Variants in GSE1 observed in about 807,000 individuals in gnomAD.
The protein encoded by GSE1 is genetic suppressor element 1.
Under a neutral mutation model 112.6 loss-of-function variants are expected in GSE1, and 32 were observed. The observed-to-expected ratio is 0.28, with a 90% CI of 0.21 to 0.38. The LOEUF is 0.38. GSE1 is among the 10% of genes least tolerant of loss of function. The probability of loss-of-function intolerance (pLI) is 1.00; values close to 1 mark genes in which losing one functional copy is unlikely to be tolerated. For synonymous variants in GSE1, 1,115 were observed against 735.6 expected, an observed-to-expected ratio of 1.52 and a Z score of -8.35; for missense variants, 2,348 against 1,699.2, an observed-to-expected ratio of 1.38 and a Z score of -6.71.
chr16:85,249,871 T>A (rs1478526971), intron 1 of GSE1, among the ~76,000 whole-genome samples: 1 of 152,202 alleles, frequency 6.6e-6, no homozygotes, highest in Non-Finnish European at 1.5e-5. Context: ...TTGTCCTCCA[T>A]GAGGGCAGCA....
intron 1 of GSE1, among the ~76,000 whole-genome samples, chr16:85,342,413 G>C (rs906262952): frequency 6.6e-6 from 1 of 152,144 alleles, no homozygotes; most frequent in African/African-American, 2.4e-5. Flanking sequence ...CCCTGTCAGC[G>C]CTTGAGAAAC....
exon 1 of GSE1, chr16:85,169,673 C>T (rs1432555003): frequency 1.0e-5 from 10 of 983,282 alleles, no homozygotes; most frequent in African/African-American, 3.5e-5. Flanking sequence ...GTGAAGCAGC[C>T]GGCGGCGGGC....
intron 2 of GSE1, among the ~76,000 whole-genome samples, chr16:85,483,734 G>A (rs887244824): frequency 2.6e-5 from 4 of 152,266 alleles, no homozygotes; most frequent in Admixed American, 6.5e-5. Flanking sequence ...GCCCGTCCCC[G>A]TGTAAACCTA....
intron 1 of GSE1, among the ~76,000 whole-genome samples, chr16:85,214,868 G>C (rs1020131051): frequency 1.3e-5 from 2 of 152,188 alleles, no homozygotes; most frequent in Non-Finnish European, 2.9e-5. Flanking sequence ...GGAGGAGAAG[G>C]GCAGGGCTGA....
At chr16:85,545,523 C>T (rs369258226) in intron 2 of GSE1, among the ~76,000 whole-genome samples, 3 of 152,242 alleles carry the variant, frequency 2.0e-5, no homozygotes, top group East Asian at 3.9e-4. Flanking sequence ...GCCTGGCTTC[C>T]GACTTCTCTG....
intron 4 of GSE1, 35 bp downstream of exon 4, chr16:85,654,485 C>G (rs779960628): frequency 6.5e-7 from 1 of 1,529,314 alleles, no homozygotes; most frequent in Non-Finnish European, 8.9e-7. Flanking sequence ...GTGAGGTGGC[C>G]AGGTGGGGAC....
intron 1 of GSE1, among the ~76,000 whole-genome samples, chr16:85,605,893 G>A (rs2047683590): frequency 1.3e-5 from 2 of 150,938 alleles, no homozygotes; most frequent in South Asian, 4.1e-4. Context: ...GCCTTGCTTG[G>A]ACTGGAGATA....
intron 1 of GSE1, among the ~76,000 whole-genome samples, chr16:85,346,336 C>T (rs1036886028): frequency 7.0e-6 from 1 of 142,234 alleles, no homozygotes; most frequent in African/African-American, 2.7e-5. Context: ...GGATGATGGG[C>T]AGGTAGATGG....
At chr16:85,320,289 C>A (rs890847471) in intron 1 of GSE1, among the ~76,000 whole-genome samples, 3 of 152,142 alleles carry the variant, frequency 2.0e-5, no homozygotes, top group Admixed American at 6.5e-5. Context: ...TCATTTGAGG[C>A]CGGAGCAGTT....
At chr16:85,316,716 C>T (rs560708009) in intron 1 of GSE1, among the ~76,000 whole-genome samples, 1 of 152,240 alleles carries the variant, frequency 6.6e-6, no homozygotes, top group East Asian at 1.9e-4. Flanking sequence ...CGAGTCCCAA[C>T]CCCCATGGGG....
chr16:85,255,842 C>A (rs541457872), intron 1 of GSE1, among the ~76,000 whole-genome samples: 1 of 152,248 alleles, frequency 6.6e-6, no homozygotes, highest in South Asian at 2.1e-4. Flanking sequence ...GTGTGCATGA[C>A]CATGCCTGGC....
intron 1 of GSE1, among the ~76,000 whole-genome samples, chr16:85,354,640 C>T (rs1296912298): frequency 6.6e-6 from 1 of 152,222 alleles, no homozygotes; most frequent in African/African-American, 2.4e-5. Context: ...GAGACTGGGG[C>T]ATGGCACAGC....
chr16:85,396,566 C>A (rs2047970641), intron 2 of GSE1, among the ~76,000 whole-genome samples: 1 of 152,258 alleles, frequency 6.6e-6, no homozygotes, highest in Non-Finnish European at 1.5e-5. Context: ...CAGCTGCCCA[C>A]CACCTGGAGC....
intron 2 of GSE1, among the ~76,000 whole-genome samples, chr16:85,436,267 G>A (rs551164963): frequency 1.3e-5 from 2 of 152,310 alleles, no homozygotes; most frequent in South Asian, 4.1e-4. Context: ...CAGAGCGCAG[G>A]AGTCCTGCAA....
chr16:85,421,520 A>G (rs2048845059), intron 2 of GSE1, among the ~76,000 whole-genome samples: 1 of 152,062 alleles, frequency 6.6e-6, no homozygotes, highest in African/African-American at 2.4e-5. Flanking sequence ...AGCAGCCCCA[A>G]CTCCTTCATG....
At chr16:85,291,756 AG>A (rs1326526197) in intron 1 of GSE1, among the ~76,000 whole-genome samples, 1 of 150,932 alleles carries the variant, frequency 6.6e-6, no homozygotes, top group African/African-American at 2.5e-5. Flanking sequence ...AGAGGCCCAG[AG>A]GCCAGAGGCC....
At chr16:85,514,918 C>A (rs747019600) in intron 2 of GSE1, among the ~76,000 whole-genome samples, 2 of 152,028 alleles carry the variant, frequency 1.3e-5, no homozygotes, top group African/African-American at 4.8e-5. Context: ...TTTGCCCGTA[C>A]GTGTGTGTGG....
At chr16:85,194,740 C>T (rs2074894888) in intron 1 of GSE1, among the ~76,000 whole-genome samples, 1 of 152,180 alleles carries the variant, frequency 6.6e-6, no homozygotes, top group Admixed American at 6.5e-5. Context: ...GACTTCTGTT[C>T]TGTGCAGTGT....
intron 2 of GSE1, among the ~76,000 whole-genome samples, chr16:85,520,844 TG>T (rs1567557201): frequency 6.6e-6 from 1 of 152,132 alleles, no homozygotes; most frequent in Admixed American, 6.5e-5. Flanking sequence ...GGGACCAGCC[TG>T]GGGGGAAGGA....
Sources: allele counts gnomAD v4.1 joint callset (sites outside exome capture counted in the v4.1 genomes callset), GRCh38; gene constraint gnomAD v4.1.1; transcripts MANE v1.5; gene names NCBI Gene and HGNC (gene_info 2026-07-23, HGNC 2026-07-21).